The following PTPRO variants were observed in gnomAD, a reference collection of about 807,000 sequenced individuals.
PTPRO encodes the protein protein tyrosine phosphatase receptor type O.
A neutral mutation model predicts 145.2 loss-of-function variants in PTPRO; 62 were observed. That is an observed-to-expected ratio of 0.43 (90% CI 0.35 to 0.53). The LOEUF is 0.53. Among genes scored for constraint, PTPRO ranks in the 20% least tolerant of loss-of-function variants. The pLI is 0.01. For missense variants in PTPRO, 1,345 were observed against 1,482.7 expected, an observed-to-expected ratio of 0.91 and a Z score of 1.53; for synonymous variants, 565 against 514.7, an observed-to-expected ratio of 1.10 and a Z score of -1.32.
intron 17 of PTPRO, among the ~76,000 whole-genome samples, chr12:15,561,111 G>A (rs778006151): frequency 7.2e-5 from 11 of 152,020 alleles, no homozygotes; most frequent in Non-Finnish European, 1.5e-4. Context: ...CAGGGGAACT[G>A]ACAAGAAAAT....
intron 13 of PTPRO, 40 bp downstream of exon 13, chr12:15,546,748 A>C (rs1446805632): frequency 1.2e-6 from 2 of 1,611,044 alleles, no homozygotes; most frequent in Non-Finnish European, 1.7e-6. Context: ...AGTTAACTTA[A>C]GTAAGGCTAA....
intron 1 of PTPRO, among the ~76,000 whole-genome samples, chr12:15,388,924 A>C (rs1292654949): frequency 6.7e-6 from 1 of 149,698 alleles, no homozygotes; most frequent in African/African-American, 2.5e-5. Flanking sequence ...TCCATTCTAG[A>C]AAAAAAAAAT....
At chr12:15,458,480 C>T (rs548159647) in intron 1 of PTPRO, among the ~76,000 whole-genome samples, 1 of 152,020 alleles carries the variant, frequency 6.6e-6, no homozygotes, top group East Asian at 1.9e-4. Flanking sequence ...CATATATAGG[C>T]CACTTGATGG....
At position 15,560,264 on chromosome 12, in the gene PTPRO, A is replaced by G; in HGVS notation, c.2699A>G (p.Tyr900Cys). 11 of 1,577,956 alleles carry G rather than the reference A, an allele frequency of 7.0e-6. No individual in the cohort carries two copies. Among genetic ancestry groups the G allele is most frequent in the Non-Finnish European group, 9.6e-6 (11 of 1,147,912 alleles). ...CLWTDYLLAF[Y>C]INPWSKNGLK... The stretch of plus-strand genomic sequence containing the variant: ...TGGACTGATTATCTTTTGGCATTTT[A>G]TATTAATCCTTGGTAAGTGATTTTT... The change falls in exon 17 of 27, where the codon TAT (tyrosine) becomes TGT (cysteine). Residue 900 changes from tyrosine to cysteine, a missense_variant. Tyr to Cys is a radical substitution (Grantham distance 194, BLOSUM62 -2). Around this residue, in one of 3 missense-constraint regions of PTPRO, gnomAD observed 1,130 missense variants for 1,214.7 expected, o/e 0.93. Transcript: ENST00000281171.
In PTPRO at chr12:15,551,709, T is replaced by TA. The variant is rs1400279481; in HGVS notation, c.2558+42dup. 1.9e-6 allele frequency: 3 copies of TA among 1,600,444 alleles called. No homozygotes were observed. In the South Asian group the frequency reaches 3.3e-5, roughly 18 times the overall value. On this transcript the variant is annotated intron_variant, in intron 15 of 26. Coordinates refer to ENST00000281171, the MANE Select transcript of PTPRO (RefSeq NM_030667.3). Reference sequence around the variant, plus strand: ...TTACTAATATTTTATCCGGAATCTTTAAAATATCTTTATCTGCCATATATA... The same window carrying TA: ...TTACTAATATTTTATCCGGAATCTTTAAAAATATCTTTATCTGCCATATATA...
chr12:15,465,621 C>T (rs1941398707), intron 1 of PTPRO, among the ~76,000 whole-genome samples: 1 of 152,088 alleles, frequency 6.6e-6, no homozygotes, highest in South Asian at 2.1e-4. Context: ...TCTGGGGTAT[C>T]CTAAAGGCTT....
At chr12:15,408,346 T>C (rs1249612022) in intron 1 of PTPRO, among the ~76,000 whole-genome samples, 1 of 152,188 alleles carries the variant, frequency 6.6e-6, no homozygotes, top group African/African-American at 2.4e-5. Flanking sequence ...AAACTGGCCA[T>C]AGTGTTACTT....
In PTPRO at chr12:15,450,298, C is replaced by A. The variant is rs529445626; in HGVS notation, c.76-33676C>A. ...TTTTCCTCTCCTGAATATTAAAGACCCTCTGCCAGAAGTAGCTTAAGGAAA... is the reference window on the plus strand; with the variant it reads ...TTTTCCTCTCCTGAATATTAAAGACACTCTGCCAGAAGTAGCTTAAGGAAA... On this transcript the variant is annotated intron_variant, in intron 1 of 26. Coordinates refer to ENST00000281171, the MANE Select transcript of PTPRO (RefSeq NM_030667.3). 5.1e-4 allele frequency among the ~76,000 whole-genome samples: 77 copies of A among 152,082 alleles called. 2 individuals carry two copies. Among genetic ancestry groups the A allele is most frequent in the Non-Finnish European group, 7.4e-5 (5 of 68,022 alleles).
intron 1 of PTPRO, among the ~76,000 whole-genome samples, chr12:15,419,586 C>G (rs140394359): frequency 6.6e-6 from 1 of 151,666 alleles, no homozygotes; most frequent in Non-Finnish European, 1.5e-5. Flanking sequence ...CTACAGGGAA[C>G]TTTTCTTCTA....
chr12:15,546,112 T>C (rs921681431), intron 12 of PTPRO, among the ~76,000 whole-genome samples: 1 of 152,204 alleles, frequency 6.6e-6, no homozygotes, highest in African/African-American at 2.4e-5. Flanking sequence ...TTGTTCCAGA[T>C]AGTTTCCAGA....
chr12:15,343,359 C>T (rs1867071413), intron 1 of PTPRO, among the ~76,000 whole-genome samples: 1 of 151,882 alleles, frequency 6.6e-6, no homozygotes. Context: ...CGTTAAATGT[C>T]CTAAATAAGC....
chr12:15,420,611 T>C (rs1940117910), intron 1 of PTPRO, among the ~76,000 whole-genome samples: 1 of 150,050 alleles, frequency 6.7e-6, no homozygotes, highest in African/African-American at 2.5e-5. Context: ...CGAAATACTA[T>C]ATGTAAATTA....
intron 23 of PTPRO, among the ~76,000 whole-genome samples, chr12:15,582,805 G>T (rs528502626): frequency 2.0e-5 from 3 of 152,082 alleles, no homozygotes; most frequent in East Asian, 1.9e-4. Flanking sequence ...CTCTTGAAGG[G>T]CTATTGATTT....
At chr12:15,344,912 A>G (rs1022743652) in intron 1 of PTPRO, among the ~76,000 whole-genome samples, 1 of 152,214 alleles carries the variant, frequency 6.6e-6, no homozygotes, top group East Asian at 1.9e-4. Flanking sequence ...CAAGGTTGAA[A>G]TGGGATATGA....
chr12:15,595,483 A>G (rs369837895), intron 26 of PTPRO: 1 of 201,768 alleles, frequency 5.0e-6, no homozygotes, highest in Non-Finnish European at 1.0e-5. Flanking sequence ...CCTAAAACCA[A>G]AAACAACAGT....
chr12:15,468,479 C>G (rs938647876), intron 1 of PTPRO, among the ~76,000 whole-genome samples: 1 of 152,174 alleles, frequency 6.6e-6, no homozygotes, highest in Admixed American at 6.5e-5. Flanking sequence ...CCTTCACATT[C>G]ACTGTCCTTA....
intron 12 of PTPRO, among the ~76,000 whole-genome samples, chr12:15,539,517 T>G (rs2135536639): frequency 6.6e-6 from 1 of 152,094 alleles, no homozygotes; most frequent in South Asian, 2.1e-4. Flanking sequence ...ATCCCAGCAC[T>G]TTGGGAGGCC....
At chr12:15,564,236 A>G (rs1259419450) in intron 17 of PTPRO, among the ~76,000 whole-genome samples, 2 of 152,172 alleles carry the variant, frequency 1.3e-5, no homozygotes, top group African/African-American at 2.4e-5. Context: ...AAAACCACAA[A>G]CACCACTTGC....
intron 1 of PTPRO, among the ~76,000 whole-genome samples, chr12:15,424,614 C>T (rs1405241216): frequency 1.3e-5 from 2 of 151,856 alleles, no homozygotes; most frequent in African/African-American, 4.8e-5. Context: ...GATGTATACA[C>T]AAACAAATAA....
Sources: gnomAD v4.1 joint callset for allele counts (sites outside exome capture counted in the v4.1 genomes callset) on GRCh38, gnomAD v4.1.1 for gene constraint, gnomAD v4.1.1 regional missense constraint, MANE v1.5 for transcripts, NCBI Gene and HGNC (gene_info 2026-07-23, HGNC 2026-07-21) for gene names.